The following RTTN variants were observed in gnomAD, a reference collection of about 807,000 sequenced individuals.
RTTN encodes the protein rotatin.
Under a neutral mutation model 269.2 loss-of-function variants are expected in RTTN, and 182 were observed. The ratio of observed to expected loss-of-function variants is 0.68; its 90% CI spans 0.60 to 0.76. The LOEUF is 0.76. RTTN is among the 30% of genes least tolerant of loss of function. The pLI, the probability that RTTN is intolerant of heterozygous loss-of-function variation, is 0.00. For missense variants in RTTN, 2,545 were observed against 2,608.6 expected (o/e 0.98, Z 0.53); for synonymous variants, 1,006 against 963.5 (o/e 1.04, Z -0.82).
intron 32 of RTTN, among the ~76,000 whole-genome samples, chr18:70,082,596 G>A (rs1287249513): frequency 6.6e-6 from 1 of 152,168 alleles, no homozygotes; most frequent in African/African-American, 2.4e-5. Flanking sequence ...GTGGGAAACT[G>A]GTCTGAAAAA....
chr18:70,088,934 C>T lies in RTTN; in HGVS notation c.4144-787G>A, dbSNP rs146777658. 2.0e-3 allele frequency among the ~76,000 whole-genome samples: 299 copies of T among 152,158 alleles called. 1 individual carries two copies. Among genetic ancestry groups the T allele is most frequent in the South Asian group, 3.5e-3 (17 of 4,814 alleles). On this transcript the variant is annotated intron_variant, in intron 30 of 48. Coordinates refer to ENST00000640769, the MANE Select transcript of RTTN (RefSeq NM_173630.4). ...AAAATTTTGTATTGTAATGCAAATG[C>T]AATTTTTTGCATTTAATTTAATTTC...
chr18:70,205,555 C>G (rs1027793516), intron 1 of RTTN, 73 bp downstream of exon 1: 35 of 1,592,262 alleles, frequency 2.2e-5, no homozygotes, highest in Non-Finnish European at 3.0e-5. Context: ...GCCGCGGAAA[C>G]GTGACACGAC....
chr18:70,015,927 G>C (rs1365874003), intron 46 of RTTN, among the ~76,000 whole-genome samples: 1 of 152,114 alleles, frequency 6.6e-6, no homozygotes. Flanking sequence ...CACTTCACAG[G>C]CTCTCTCATT....
At chr18:70,174,146 T>C (rs1327153095) in intron 11 of RTTN, among the ~76,000 whole-genome samples, 3 of 48,490 alleles carry the variant, frequency 6.2e-5, no homozygotes, top group Non-Finnish European at 2.1e-4. Flanking sequence ...ATATGAAAGT[T>C]TAAAAAAAAA....
intron 9 of RTTN, 112 bp downstream of exon 9, chr18:70,190,426 A>G: frequency 1.6e-6 from 1 of 641,644 alleles, no homozygotes; most frequent in African/African-American, 1.8e-5. Flanking sequence ...CCAAAAGATA[A>G]GTAAATACAG....
At chr18:70,026,779 C>T (rs2056866180) in intron 43 of RTTN, among the ~76,000 whole-genome samples, 1 of 151,402 alleles carries the variant, frequency 6.6e-6, no homozygotes, top group East Asian at 1.9e-4. Flanking sequence ...TGGGAAATTT[C>T]AACAATAGTG....
intron 21 of RTTN, among the ~76,000 whole-genome samples, chr18:70,136,451 G>C (rs2060127102): frequency 6.6e-6 from 1 of 151,536 alleles, no homozygotes; most frequent in Non-Finnish European, 1.5e-5. Flanking sequence ...GAAAAGTTGA[G>C]AGAAAATATT....
intron 21 of RTTN, 23 bp downstream of exon 21, chr18:70,139,576 T>C (rs928589919): frequency 3.7e-6 from 5 of 1,347,590 alleles, no homozygotes; most frequent in Non-Finnish European, 4.2e-6. Context: ...AATCTAATTA[T>C]TAGCAGATTT....
chr18:70,121,631 A>C lies in RTTN; in HGVS notation c.3453T>G (p.Asn1151Lys). ...TTTTTCTTTGTTCCTTTATTAATTT[A>C]TTTAAAAAATGTATGATATCTATTA... The part of the protein sequence containing the change: ...KLLIDIIHFL[N>K]KLIKEQRKNS... Residue 1151 changes from asparagine (N) to lysine (K), a missense_variant, in exon 26 of 49, where the codon AAT becomes AAG. Asn to Lys is a moderately conservative substitution (Grantham distance 94). Transcript: ENST00000640769. 6.3e-7 allele frequency: 1 copy of C among 1,580,342 alleles called. No individual in the cohort carries two copies. The highest frequency in any genetic ancestry group is 2.3e-5 in the East Asian group (1 of 44,254).
intron 32 of RTTN, 42 bp downstream of exon 32, chr18:70,086,571 T>C (rs371274060): frequency 1.2e-5 from 17 of 1,407,992 alleles, no homozygotes; most frequent in African/African-American, 4.4e-5. Flanking sequence ...ACCAATTAAT[T>C]TGAAACATCT....
rs11872726 is a variant in RTTN, at chr18:70,088,748, T to C, written c.4144-601A>G. Among the ~76,000 whole-genome samples the C allele has an allele frequency of 3.0e-3, 451 of 152,314 alleles. 4 individuals are homozygous for C. The highest frequency in any genetic ancestry group is 0.01 in the African/African-American group (418 of 41,584). ...AAAAATATAGTTTCAATGACAGCTA[T>C]AGAATTTTTTAAAAATGCAGTCATA... is the stretch of plus-strand genomic sequence containing the variant. On this transcript the variant is annotated intron_variant, in intron 30 of 48. Transcript: ENST00000640769.
rs1375933288 is a variant in RTTN at position 70,092,352 on chromosome 18, C to A, written c.4033-132G>T. On this transcript the variant is annotated intron_variant, in intron 29 of 48. Coordinates refer to ENST00000640769, the MANE Select transcript of RTTN (RefSeq NM_173630.4). The stretch of plus-strand genomic sequence containing the variant: ...TTAGACTTGGTTTTAATCCATTATT[C>A]AGCCAAAAAAGGCAAACAAAAAAAT... 7 of 679,864 alleles carry A rather than the reference C, an allele frequency of 1.0e-5. No individual in the cohort carries two copies. The Middle Eastern group carries it at 1.4e-3, about 136-fold the overall frequency. The allele number at this position is 679,864 out of a possible 1,614,324, so 42.1% of individuals were successfully genotyped here. A position where few individuals can be genotyped will look rare whatever the true frequency, so the allele number is the denominator to read the frequency against.
At chr18:70,035,036 T>C (rs1405527603) in intron 40 of RTTN, among the ~76,000 whole-genome samples, 1 of 151,946 alleles carries the variant, frequency 6.6e-6, no homozygotes, top group African/African-American at 2.4e-5. Flanking sequence ...CAAGGAGAAA[T>C]ACAAAACACT....
chr18:70,087,857 T>C (rs2058741613), intron 31 of RTTN, 132 bp downstream of exon 31: 3 of 839,726 alleles, frequency 3.6e-6, no homozygotes, highest in Non-Finnish European at 5.4e-6. Context: ...ACTGTCATTT[T>C]GTTTGGGTGT....
chr18:70,122,103 A>C (rs2059753010), intron 25 of RTTN, among the ~76,000 whole-genome samples: 1 of 152,144 alleles, frequency 6.6e-6, no homozygotes, highest in Non-Finnish European at 1.5e-5. Context: ...ACCAACTCGA[A>C]AAAATAAGGT....
intron 28 of RTTN, 21 bp downstream of exon 28, chr18:70,109,477 C>T (rs1247799039): frequency 2.5e-6 from 4 of 1,586,066 alleles, no homozygotes; most frequent in South Asian, 2.2e-5. Flanking sequence ...TAAATAACTA[C>T]CATATGCTAT....
intron 10 of RTTN, among the ~76,000 whole-genome samples, chr18:70,182,497 G>A (rs1254819208): frequency 6.6e-6 from 1 of 152,084 alleles, no homozygotes; most frequent in Non-Finnish European, 1.5e-5. Flanking sequence ...AAAGGGAAGG[G>A]AGGAAGGGAG....
intron 4 of RTTN, among the ~76,000 whole-genome samples, chr18:70,201,081 G>A (rs2061932488): frequency 1.3e-5 from 2 of 152,234 alleles, no homozygotes; most frequent in African/African-American, 2.4e-5. Flanking sequence ...GAGGTGGCAT[G>A]TGAGCTGAGG....
rs528176640 is a variant in RTTN at position 70,048,619 on chromosome 18, G to T, written c.5324-431C>A. ...TAATTTTGTTTGATTTTATATTTTA[G>T]ATTTATGCTTGTGTGATAATTATAA... On this transcript the variant is annotated intron_variant, in intron 39 of 48. Transcript: ENST00000640769. Among the ~76,000 whole-genome samples the T allele has an allele frequency of 5.3e-5, 8 of 152,092 alleles. No homozygotes were observed. In the East Asian group the frequency reaches 9.7e-4, roughly 18 times the overall value.
Sources: allele counts gnomAD v4.1 joint callset (sites outside exome capture counted in the v4.1 genomes callset), GRCh38; gene constraint gnomAD v4.1.1; transcripts MANE v1.5; gene names NCBI Gene and HGNC (gene_info 2026-07-23, HGNC 2026-07-21).